ABCB11: variants seen among roughly 807,000 people sequenced by gnomAD.
ABCB11 encodes the protein ATP binding cassette subfamily B member 11, also known as bile salt export pump.
ABCB11 carries 95 observed loss-of-function variants against 148.0 expected under a neutral mutation model. The ratio of observed to expected loss-of-function variants is 0.64; its 90% CI spans 0.54 to 0.76. The LOEUF is 0.76. Ranked by LOEUF, ABCB11 falls within the 30% of genes least tolerant of loss-of-function variation. The pLI is 0.00. For missense variants in ABCB11, 1,523 were observed against 1,617.8 expected (o/e 0.94, Z 1.01); for synonymous variants, 591 against 555.4 (o/e 1.06, Z -0.90).
chr2:169,030,816 C>G lies in ABCB11; in HGVS notation c.-28+409G>C, dbSNP rs539902167. Reference sequence around the variant, plus strand: ...TGTAGTTCTGCATTAAACCAGCTTTCAAGGGTAGAATTTGTGATCATTGAA... The same window carrying G: ...TGTAGTTCTGCATTAAACCAGCTTTGAAGGGTAGAATTTGTGATCATTGAA... On this transcript the variant is annotated intron_variant, in intron 1 of 27. Transcript: ENST00000650372. 3.9e-5 allele frequency among the ~76,000 whole-genome samples: 6 copies of G among 152,100 alleles called. No individual in the cohort carries two copies. In the South Asian group the frequency reaches 1.0e-3, roughly 26 times the overall value.
At chr2:168,944,082 A>T (rs2105911230) in intron 21 of ABCB11, among the ~76,000 whole-genome samples, 1 of 152,062 alleles carries the variant, frequency 6.6e-6, no homozygotes, top group African/African-American at 2.4e-5. Flanking sequence ...TACACACCAC[A>T]GCTCTGTCTA....
Position 169,010,507 on chromosome 2 carries a change from A to G in ABCB11, c.389+2765T>C, listed in dbSNP as rs1260388059. Among the ~76,000 whole-genome samples the G allele has an allele frequency of 2.0e-5, 3 of 152,182 alleles. No homozygotes were observed. The East Asian group carries it at 5.8e-4, about 29-fold the overall frequency. ...AAAACCAGCTCCTGTCATTACACACACATGCTTTTGTTGCTAAAATTATTG... is the reference window on the plus strand; with the variant it reads ...AAAACCAGCTCCTGTCATTACACACGCATGCTTTTGTTGCTAAAATTATTG... On this transcript the variant is annotated intron_variant, in intron 5 of 27. Coordinates refer to ENST00000650372, the MANE Select transcript of ABCB11 (RefSeq NM_003742.4).
chr2:168,951,136 T>C (rs1362868066), intron 19 of ABCB11, among the ~76,000 whole-genome samples: 2 of 151,762 alleles, frequency 1.3e-5, no homozygotes, highest in Admixed American at 1.3e-4. Context: ...TTGATCTATG[T>C]GTCTATTTGT....
chr2:169,030,837 T>C (rs186363055), intron 1 of ABCB11, among the ~76,000 whole-genome samples: 31 of 152,332 alleles, frequency 2.0e-4, no homozygotes, highest in Admixed American at 7.2e-4. Context: ...TTTGTGATCA[T>C]TGAATCTGTG....
Position 169,017,721 on chromosome 2 carries a change from G to A in ABCB11, c.76+329C>T, listed in dbSNP as rs180743685. Reference sequence around the variant, plus strand: ...GGCACAGTTCTTCCTAAGGAGGAGCGCTCACTCAATTATGATTAATAATAA... The same window carrying A: ...GGCACAGTTCTTCCTAAGGAGGAGCACTCACTCAATTATGATTAATAATAA... On this transcript the variant is annotated intron_variant, in intron 2 of 27. Coordinates refer to ENST00000650372, the MANE Select transcript of ABCB11 (RefSeq NM_003742.4). 2.2e-4 allele frequency among the ~76,000 whole-genome samples: 33 copies of A among 152,126 alleles called. No individual in the cohort carries two copies. The East Asian group carries it at 5.2e-3, about 24-fold the overall frequency.
intron 1 of ABCB11, among the ~76,000 whole-genome samples, chr2:169,021,732 A>G (rs1057119620): frequency 6.6e-6 from 1 of 152,126 alleles, no homozygotes; most frequent in Non-Finnish European, 1.5e-5. Flanking sequence ...ATTTGATTTA[A>G]TCAAATATAT....
intron 26 of ABCB11, among the ~76,000 whole-genome samples, chr2:168,926,657 T>TA (rs1455011815): frequency 6.6e-6 from 1 of 152,204 alleles, no homozygotes; most frequent in Non-Finnish European, 1.5e-5. Flanking sequence ...TTCTTTTGCT[T>TA]AAAAAACTAA....
chr2:169,010,317 T>A (rs528874260), intron 5 of ABCB11, among the ~76,000 whole-genome samples: 2 of 152,298 alleles, frequency 1.3e-5, no homozygotes, highest in Admixed American at 6.5e-5. Context: ...TTTTTATCTA[T>A]TATTCGACTG....
chr2:169,020,989 G>A (rs1695520733), intron 1 of ABCB11, among the ~76,000 whole-genome samples: 1 of 150,196 alleles, frequency 6.7e-6, no homozygotes, highest in Non-Finnish European at 1.5e-5. Flanking sequence ...CTGAGACCAA[G>A]TCTTGCTCTG....
chr2:168,953,345 T>G (rs1353141715), intron 19 of ABCB11, among the ~76,000 whole-genome samples: 1 of 151,704 alleles, frequency 6.6e-6, no homozygotes, highest in Non-Finnish European at 1.5e-5. Flanking sequence ...CTTTCTTTAG[T>G]TTTGCTTATA....
rs1261840691 is a variant in ABCB11 at position 168,944,657 on chromosome 2, C to T, written c.2558G>A (p.Ser853Asn). The T allele has an allele frequency of 2.5e-6, 4 of 1,612,500 alleles. No individual in the cohort carries two copies. The highest frequency in any genetic ancestry group is 2.5e-6 in the Non-Finnish European group (3 of 1,179,118). Residue 853 changes from serine (S) to asparagine (N), a missense_variant, in exon 21 of 28, where the codon AGC becomes AAC. Physicochemically the swap from Ser to Asn is conservative, Grantham distance 46 (BLOSUM62 1). Transcript: ENST00000650372. ...AAGTCTTGTTGTCAATGCTCCAGGG[C>T]TATTTCTGAGGTCATCAAACCAGGC... ...DIAWFDDLRN[S>N]PGALTTRLAT...
At chr2:168,994,728 C>G (rs1694660838) in intron 7 of ABCB11, among the ~76,000 whole-genome samples, 1 of 152,026 alleles carries the variant, frequency 6.6e-6, no homozygotes, top group African/African-American at 2.4e-5. Flanking sequence ...AATTCATATT[C>G]CTGAGAACAT....
Position 168,979,986 on chromosome 2 carries a change from T to C in ABCB11, c.1084-7A>G, listed in dbSNP as rs1266463613. On this transcript the variant is annotated splice_polypyrimidine_tract_variant and splice_region_variant and intron_variant, in intron 10 of 27. Coordinates refer to ENST00000650372, the MANE Select transcript of ABCB11 (RefSeq NM_003742.4). ...CTATGACACTGAGGAAAATCTGAAA[T>C]GAAAAGAGAGAGATTTTTCATGTGT... The C allele has an allele frequency of 1.9e-6, 3 of 1,541,830 alleles. No individual in the cohort carries two copies. Among genetic ancestry groups the C allele is most frequent in the South Asian group, 1.1e-5 (1 of 89,494 alleles).
intron 19 of ABCB11, among the ~76,000 whole-genome samples, chr2:168,948,986 A>C (rs1386123272): frequency 6.6e-6 from 1 of 151,562 alleles, no homozygotes; most frequent in Non-Finnish European, 1.5e-5. Flanking sequence ...CTAAAATGTA[A>C]GCTTTTATCA....
intron 27 of ABCB11, 98 bp downstream of exon 27, chr2:168,924,559 A>G (rs914558947): frequency 8.0e-7 from 1 of 1,253,328 alleles, no homozygotes; most frequent in South Asian, 1.5e-5. Flanking sequence ...ACTGTTAACG[A>G]ATCAGAAAAT....
chr2:168,998,626 C>G (rs1197208626), intron 5 of ABCB11, among the ~76,000 whole-genome samples: 2 of 151,938 alleles, frequency 1.3e-5, no homozygotes, highest in Non-Finnish European at 2.9e-5. Flanking sequence ...CCTGTGGTGT[C>G]TTTATTCTAC....
intron 12 of ABCB11, among the ~76,000 whole-genome samples, chr2:168,974,959 G>A (rs923747942): frequency 1.4e-5 from 2 of 145,754 alleles, no homozygotes; most frequent in Admixed American, 7.0e-5. Context: ...ATATAATGAA[G>A]GTAAATAGAG....
chr2:168,976,380 C>T (rs1238509244), intron 12 of ABCB11, among the ~76,000 whole-genome samples, 197 bp downstream of exon 12: 1 of 152,114 alleles, frequency 6.6e-6, no homozygotes, highest in Non-Finnish European at 1.5e-5. Flanking sequence ...GGGATTTGCA[C>T]ATTATGGTTA....
chr2:168,998,941 A>G (rs1694795982), intron 5 of ABCB11, among the ~76,000 whole-genome samples: 1 of 152,068 alleles, frequency 6.6e-6, no homozygotes, highest in African/African-American at 2.4e-5. Context: ...TATCAGAAAA[A>G]CTGACAGGAA....
Sources: gnomAD v4.1 joint callset for allele counts (sites outside exome capture counted in the v4.1 genomes callset) on GRCh38, gnomAD v4.1.1 for gene constraint, MANE v1.5 for transcripts, NCBI Gene and HGNC (gene_info 2026-07-23, HGNC 2026-07-21) for gene names.